Variants in FRYL observed in about 807,000 individuals in gnomAD.
The protein encoded by FRYL is FRY like transcription coactivator.
Under a neutral mutation model 351.2 loss-of-function variants are expected in FRYL, and 150 were observed. The observed-to-expected ratio is 0.43, with a 90% CI of 0.37 to 0.49. The LOEUF is 0.49. Ranked by LOEUF, FRYL falls within the 20% of genes least tolerant of loss-of-function variation. The pLI, the probability that FRYL is intolerant of heterozygous loss-of-function variation, is 0.00. For missense variants in FRYL, 3,036 were observed against 3,619.3 expected (o/e 0.84, Z 4.13); for synonymous variants, 1,153 against 1,257.1 (o/e 0.92, Z 1.75).
At chr4:48,732,734 C>T (rs555968891) in intron 1 of FRYL, among the ~76,000 whole-genome samples, 1 of 134,608 alleles carries the variant, frequency 7.4e-6, no homozygotes, top group Non-Finnish European at 1.5e-5. Context: ...AATGAGAACA[C>T]ATGGACACAG....
chr4:48,626,556 T>G (rs1398539650), intron 4 of FRYL, among the ~76,000 whole-genome samples: 2 of 152,210 alleles, frequency 1.3e-5, no homozygotes, highest in East Asian at 3.9e-4. Flanking sequence ...CTACTTGCCT[T>G]GCTGGCTGCC....
chr4:48,544,855 T>C lies in FRYL; in HGVS notation c.5329A>G (p.Ser1777Gly), dbSNP rs1246232293. 4.3e-6 allele frequency: 7 copies of C among 1,609,652 alleles called. No individual in the cohort carries two copies. The highest frequency in any genetic ancestry group is 8.5e-7 in the Non-Finnish European group (1 of 1,178,338). ...GTTAACTGTTCAGCACTCTTTATGC[T>C]AGGATTCTTGGCAGAAACATCCTCA... ...NHEDVSAKNP[S>G]IKSAEQLTTF... The change falls in exon 43 of 64, where the codon AGC becomes GGC. Residue 1777 changes from serine to glycine, a missense_variant. Physicochemically the swap from Ser to Gly is moderately conservative, Grantham distance 56. Coordinates refer to ENST00000358350, the MANE Select transcript of FRYL (RefSeq NM_015030.2).
chr4:48,653,807 AAGCAGCAGC>A (rs67820516), intron 3 of FRYL: 302 of 1,261,530 alleles, frequency 2.4e-4, no homozygotes, highest in South Asian at 4.7e-4. Flanking sequence ...TCAGCTGCAA[AAGCAGCAGC>A]AGCAGCAGCA....
chr4:48,519,290 T>C (rs1242329667), intron 55 of FRYL, among the ~76,000 whole-genome samples: 2 of 152,128 alleles, frequency 1.3e-5, no homozygotes, highest in Admixed American at 1.3e-4. Flanking sequence ...AAATACTCAA[T>C]TTCCTGCTTT....
intron 3 of FRYL, among the ~76,000 whole-genome samples, chr4:48,642,982 T>C (rs1422351575): frequency 6.6e-6 from 1 of 152,138 alleles, no homozygotes; most frequent in African/African-American, 2.4e-5. Context: ...CTACCATGAG[T>C]ATGTGTAAGA....
intron 3 of FRYL, chr4:48,653,687 T>C (rs1414136641): frequency 7.8e-7 from 1 of 1,277,710 alleles, no homozygotes; most frequent in Admixed American, 2.3e-5. Flanking sequence ...TCAGCATTTT[T>C]TTTTTCATGT....
chr4:48,740,355 C>T (rs768487131), intron 1 of FRYL, among the ~76,000 whole-genome samples: 7 of 136,022 alleles, frequency 5.1e-5, no homozygotes, highest in South Asian at 2.3e-4. Flanking sequence ...AATGCAGTGA[C>T]GCGATTTCTG....
At chr4:48,709,568 T>G (rs1340728478) in intron 2 of FRYL, among the ~76,000 whole-genome samples, 1 of 152,148 alleles carries the variant, frequency 6.6e-6, no homozygotes, top group Non-Finnish European at 1.5e-5. Context: ...CTCTATCAGA[T>G]AGGTTAGGGA....
At chr4:48,643,789 A>T (rs1755801621) in intron 3 of FRYL, among the ~76,000 whole-genome samples, 1 of 152,224 alleles carries the variant, frequency 6.6e-6, no homozygotes, top group Non-Finnish European at 1.5e-5. Context: ...AGAAAAGCAT[A>T]GGACTTCATA....
chr4:48,650,548 G>C lies in FRYL; in HGVS notation c.-80-16058C>G, dbSNP rs147384052. ...TTGAAAGAGGAGTAAAAATCATTGCGATGCAGGCAGAGAGATGAGAGGGTA... is the reference window on the plus strand; with the variant it reads ...TTGAAAGAGGAGTAAAAATCATTGCCATGCAGGCAGAGAGATGAGAGGGTA... On this transcript the variant is annotated intron_variant, in intron 3 of 63. Transcript: ENST00000358350. Among the ~76,000 whole-genome samples the C allele has an allele frequency of 1.6e-4, 24 of 152,294 alleles. No individual in the cohort carries two copies. In the Middle Eastern group the frequency reaches 0.017, roughly 108 times the overall value.
chr4:48,592,320 G>A (rs538519315), intron 16 of FRYL, among the ~76,000 whole-genome samples: 26 of 151,660 alleles, frequency 1.7e-4, no homozygotes, highest in African/African-American at 5.3e-4. Flanking sequence ...TGATTAAATG[G>A]GCTAATGGAT....
intron 18 of FRYL, among the ~76,000 whole-genome samples, chr4:48,589,450 C>G (rs1218402714): frequency 1.3e-5 from 2 of 151,560 alleles, no homozygotes; most frequent in Admixed American, 1.3e-4. Context: ...CCAATCATGC[C>G]CACATACATC....
intron 3 of FRYL, among the ~76,000 whole-genome samples, chr4:48,683,574 TA>T (rs746622096): frequency 3.3e-5 from 5 of 152,124 alleles, no homozygotes; most frequent in Non-Finnish European, 7.3e-5. Flanking sequence ...AATATAGTAT[TA>T]AGGTTCAGAG....
chr4:48,597,052 G>T (rs2149233649), intron 13 of FRYL, among the ~76,000 whole-genome samples: 1 of 152,114 alleles, frequency 6.6e-6, no homozygotes. Context: ...GATCCATAAT[G>T]ATCCCAAATT....
chr4:48,550,760 T>C, intron 37 of FRYL, 56 bp from the exon 38 acceptor site: 1 of 1,201,596 alleles, frequency 8.3e-7, no homozygotes, highest in Non-Finnish European at 1.2e-6. Context: ...GTATTTATAC[T>C]TTATGTTTCA....
Position 48,549,499 on chromosome 4 carries a change from C to T in FRYL, c.4758G>A (p.Thr1586=), listed in dbSNP as rs1282203157. The part of the protein sequence containing the change: ...WSPLVDYVPE[T]SSPGLPLHRC... ...TGTGAAGAGGTAATCCAGGTGATGACGTTTCAGGCACGTAATCCACCAGTG... is the reference window on the plus strand; with the variant it reads ...TGTGAAGAGGTAATCCAGGTGATGATGTTTCAGGCACGTAATCCACCAGTG... Residue 1586 remains threonine, a synonymous_variant, in exon 39 of 64, where the codon ACG becomes ACA. Transcript: ENST00000358350. This position sits in a 1 kb window ranked among gnomAD's most constrained non-coding sequence, Gnocchi z 4.2. 18 of 1,612,596 alleles carry T rather than the reference C, an allele frequency of 1.1e-5. No homozygotes were observed. The highest frequency in any genetic ancestry group is 4.0e-5 in the African/African-American group (3 of 74,868).
Position 48,528,230 on chromosome 4 carries a change from C to A in FRYL, c.7010G>T (p.Gly2337Val). The A allele has an allele frequency of 1.2e-6, 2 of 1,613,208 alleles. No individual in the cohort carries two copies. The highest frequency in any genetic ancestry group is 1.7e-6 in the Non-Finnish European group (2 of 1,179,394). Residue 2337 changes from glycine (G) to valine (V), a missense_variant, in exon 51 of 64, where the codon GGT becomes GTT. Gly to Val is a moderately radical substitution (Grantham distance 109). This residue lies in a region of FRYL where 1,987 missense variants were observed against 2,311.7 expected (regional missense o/e 0.86). Transcript: ENST00000358350. ...AGGAACCAAGGCATTAGAATTAGAACCAGAAGAAGTTGAGGAAGTACTTCT... is the reference window on the plus strand; with the variant it reads ...AGGAACCAAGGCATTAGAATTAGAAACAGAAGAAGTTGAGGAAGTACTTCT... ...VTRSTSSTSS[G>V]SNSNALVPVS...
intron 7 of FRYL, among the ~76,000 whole-genome samples, chr4:48,616,300 G>C (rs775719858): frequency 6.6e-6 from 1 of 151,940 alleles, no homozygotes; most frequent in Non-Finnish European, 1.5e-5. Flanking sequence ...TATCATTAAA[G>C]AGAAAATTTG....
chr4:48,698,206 G>T (rs960123430), intron 2 of FRYL, among the ~76,000 whole-genome samples: 1 of 152,220 alleles, frequency 6.6e-6, no homozygotes, highest in Non-Finnish European at 1.5e-5. Flanking sequence ...GAAGGGAACA[G>T]GAAAGACTTC....
Sources: gnomAD v4.1 joint callset for allele counts (sites outside exome capture counted in the v4.1 genomes callset) on GRCh38, gnomAD v4.1.1 for gene constraint, gnomAD v4.1.1 regional missense constraint, Gnocchi (gnomAD v3.1) non-coding constraint, MANE v1.5 for transcripts, NCBI Gene and HGNC (gene_info 2026-07-23, HGNC 2026-07-21) for gene names.